The following TENM4 variants were observed in gnomAD, a reference collection of about 807,000 sequenced individuals.
TENM4 encodes the protein teneurin transmembrane protein 4.
A neutral mutation model predicts 243.3 loss-of-function variants in TENM4; 82 were observed. The ratio of observed to expected loss-of-function variants is 0.34; its 90% CI spans 0.28 to 0.40. The LOEUF (loss-of-function observed/expected upper bound fraction) is 0.40. Ranked by LOEUF, TENM4 falls within the 10% of genes least tolerant of loss-of-function variation. The probability of loss-of-function intolerance (pLI) is 1.00; values close to 1 mark genes in which losing one functional copy is unlikely to be tolerated. For missense variants in TENM4, 3,138 were observed against 3,673.3 expected (o/e 0.85, Z 3.77); for synonymous variants, 1,412 against 1,456.3 (o/e 0.97, Z 0.69).
chr11:79,095,484 T>C (rs1861056460), intron 4 of TENM4, among the ~76,000 whole-genome samples: 1 of 152,104 alleles, frequency 6.6e-6, no homozygotes, highest in Non-Finnish European at 1.5e-5. Context: ...CCCTAATGAG[T>C]GATGAGAGGA....
intron 3 of TENM4, among the ~76,000 whole-genome samples, chr11:79,192,106 C>T (rs1475240348): frequency 9.2e-4 from 137 of 149,586 alleles, no homozygotes; most frequent in African/African-American, 3.3e-3. Context: ...GGGGGTCAGC[C>T]CCCCGCCCGG....
chr11:79,389,347 G>T (rs1339281405), intron 1 of TENM4, among the ~76,000 whole-genome samples: 1 of 152,138 alleles, frequency 6.6e-6, no homozygotes, highest in African/African-American at 2.4e-5. Flanking sequence ...TTGTAGACAA[G>T]GGTCTTGCTA....
chr11:79,411,792 A>T (rs1858706576), intron 1 of TENM4, among the ~76,000 whole-genome samples: 1 of 152,166 alleles, frequency 6.6e-6, no homozygotes, highest in African/African-American at 2.4e-5. Context: ...AACAGAGTGG[A>T]TGGGATGTTT....
At chr11:79,005,705 C>T (rs928512006) in intron 6 of TENM4, among the ~76,000 whole-genome samples, 4 of 152,174 alleles carry the variant, frequency 2.6e-5, no homozygotes, top group Non-Finnish European at 5.9e-5. Context: ...TGCCCACTCT[C>T]ACCACTCCTA....
intron 2 of TENM4, among the ~76,000 whole-genome samples, chr11:79,236,547 G>C (rs1864477181): frequency 6.6e-6 from 1 of 152,104 alleles, no homozygotes; most frequent in African/African-American, 2.4e-5. Context: ...ATCACTTTGT[G>C]CTCGCTTTGT....
At chr11:79,155,500 T>C (rs1862590953) in intron 3 of TENM4, among the ~76,000 whole-genome samples, 1 of 152,110 alleles carries the variant, frequency 6.6e-6, no homozygotes, top group Non-Finnish European at 1.5e-5. Flanking sequence ...CGTCAACCTA[T>C]CAAGATAGAC....
chr11:79,250,906 A>C (rs1291572646), intron 2 of TENM4, among the ~76,000 whole-genome samples: 2 of 152,240 alleles, frequency 1.3e-5, no homozygotes, highest in Non-Finnish European at 1.5e-5. Context: ...AAATGAAAGG[A>C]TCCACTAGTG....
chr11:78,896,437 T>C (rs890687103), intron 7 of TENM4, among the ~76,000 whole-genome samples: 4 of 152,190 alleles, frequency 2.6e-5, no homozygotes, highest in African/African-American at 9.7e-5. Context: ...TAATGGCACC[T>C]TCTGATTTAA....
At position 78,903,338 on chromosome 11, in the gene TENM4, C is replaced by A; in HGVS notation, c.679G>T (p.Gly227Cys). 1 of 1,478,484 alleles carries A rather than the reference C, an allele frequency of 6.8e-7. No individual in the cohort carries two copies. The highest frequency in any genetic ancestry group is 9.0e-7 in the Non-Finnish European group (1 of 1,115,952). The allele number at this position is 1,478,484 out of a possible 1,614,324, so 91.6% of individuals were successfully genotyped here. A position where few individuals can be genotyped will look rare whatever the true frequency, so the allele number is the denominator to read the frequency against. ...GCGTGGGCAGGCTCCTGGGCGCCGC[C>A]GGCAGGGGGCTCTCCGGAGAGCGAG... The part of the protein sequence containing the change: ...DHSLSGEPPA[G>C]GAQEPAHAQE... The change falls in exon 7 of 34, where the codon GGC (glycine) becomes TGC (cysteine). Residue 227 changes from glycine (G) to cysteine (C), a missense_variant. Around this residue, in one of 2 missense-constraint regions of TENM4, gnomAD observed 671 missense variants for 614.1 expected, o/e 1.09. Coordinates refer to ENST00000278550, the MANE Select transcript of TENM4 (RefSeq NM_001098816.3).
At chr11:78,978,386 A>AAAAGG (rs1436321764) in intron 6 of TENM4, among the ~76,000 whole-genome samples, 2 of 151,522 alleles carry the variant, frequency 1.3e-5, no homozygotes, top group Non-Finnish European at 2.9e-5. Context: ...AAAAGAAAAG[A>AAAAGG]AAAGAAAAGA....
In TENM4 at chr11:78,652,967, C is replaced by A; in HGVS notation, c.*5091G>T. Reference sequence around the variant, plus strand: ...TCTGGGAGGGTTGGGTTCGTTGGCCCCTTCAGCCTGTCCCTGAACGAGGGC... The same window carrying A: ...TCTGGGAGGGTTGGGTTCGTTGGCCACTTCAGCCTGTCCCTGAACGAGGGC... On this transcript the variant is annotated 3_prime_UTR_variant, in exon 34 of 34. Coordinates refer to ENST00000278550, the MANE Select transcript of TENM4 (RefSeq NM_001098816.3). 6.6e-6 allele frequency: 1 copy of A among 152,360 alleles called. No homozygotes were observed. The highest frequency in any genetic ancestry group is 1.5e-5 in the Non-Finnish European group (1 of 68,042). 9.4% of individuals were successfully genotyped at this position (152,360 alleles called of 1,614,324 possible).
At chr11:79,401,727 A>G (rs1317006440) in intron 1 of TENM4, among the ~76,000 whole-genome samples, 2 of 152,222 alleles carry the variant, frequency 1.3e-5, no homozygotes, top group Non-Finnish European at 2.9e-5. Flanking sequence ...CATCAAGCTC[A>G]GTCCAAATGA....
chr11:79,161,576 T>C (rs11823827), intron 3 of TENM4, among the ~76,000 whole-genome samples: 5,224 of 151,828 alleles, frequency 0.034, 262 homozygotes, highest in African/African-American at 0.11. Context: ...GGCCAAGGAG[T>C]GCTGTGGAGT....
chr11:79,134,512 G>C (rs766777128), intron 4 of TENM4, among the ~76,000 whole-genome samples: 1 of 151,968 alleles, frequency 6.6e-6, no homozygotes, highest in African/African-American at 2.4e-5. Context: ...AATTCATATG[G>C]AACAGAAAAA....
At chr11:79,072,522 C>T (rs896397029) in intron 4 of TENM4, among the ~76,000 whole-genome samples, 11 of 152,014 alleles carry the variant, frequency 7.2e-5, no homozygotes, top group African/African-American at 2.4e-4. Flanking sequence ...TACATAATGA[C>T]CCACTACACA....
chr11:78,966,977 T>C (rs1358276482), intron 6 of TENM4, among the ~76,000 whole-genome samples: 1 of 152,190 alleles, frequency 6.6e-6, no homozygotes, highest in Non-Finnish European at 1.5e-5. Context: ...AAGTTTTGCC[T>C]CTGAGCTTTT....
chr11:79,382,830 G>A (rs1199271873), intron 1 of TENM4, among the ~76,000 whole-genome samples: 2 of 152,116 alleles, frequency 1.3e-5, no homozygotes. Context: ...ATATTTATGA[G>A]ACATTAAAAC....
At chr11:78,901,363 T>C (rs1208447120) in intron 7 of TENM4, among the ~76,000 whole-genome samples, 3 of 152,070 alleles carry the variant, frequency 2.0e-5, no homozygotes, top group Non-Finnish European at 4.4e-5. Context: ...TAATAAAGTA[T>C]AAATAAAAAG....
At chr11:78,989,873 A>G (rs1281541987) in intron 6 of TENM4, among the ~76,000 whole-genome samples, 1 of 152,012 alleles carries the variant, frequency 6.6e-6, no homozygotes, top group African/African-American at 2.4e-5. Flanking sequence ...GGACAACATA[A>G]CGAAACCCCA....
Sources: allele counts gnomAD v4.1 joint callset (sites outside exome capture counted in the v4.1 genomes callset), GRCh38; gene constraint gnomAD v4.1.1; regional missense constraint gnomAD v4.1.1; transcripts MANE v1.5; gene names NCBI Gene and HGNC (gene_info 2026-07-23, HGNC 2026-07-21).